The following B3GALT1 variants were observed in gnomAD, a reference collection of about 807,000 sequenced individuals.
B3GALT1 encodes the protein beta-1,3-galactosyltransferase 1.
B3GALT1 carries 10 observed loss-of-function variants against 23.2 expected under a neutral mutation model. The ratio of observed to expected loss-of-function variants is 0.43; its 90% CI spans 0.27 to 0.73. B3GALT1 has a LOEUF of 0.73. Ranked by LOEUF, B3GALT1 falls within the 30% of genes least tolerant of loss-of-function variation. The pLI, the probability that B3GALT1 is intolerant of heterozygous loss-of-function variation, is 0.21. For synonymous variants in B3GALT1, 156 were observed against 141.5 expected (o/e 1.10, Z -0.73); for missense variants, 299 against 405.4 (o/e 0.74, Z 2.25).
chr2:167,750,401 A>G (rs971863458), intron 3 of B3GALT1, among the ~76,000 whole-genome samples: 2 of 152,114 alleles, frequency 1.3e-5, no homozygotes. Context: ...ATTATTAACA[A>G]TTTATCTCAA....
intron 3 of B3GALT1, among the ~76,000 whole-genome samples, chr2:167,743,658 G>A (rs1687610781): frequency 6.6e-6 from 1 of 151,760 alleles, no homozygotes; most frequent in South Asian, 2.1e-4. Flanking sequence ...TGATATATTG[G>A]TAGTTTATGT....
chr2:167,828,147 C>G (rs1689268242), intron 4 of B3GALT1, among the ~76,000 whole-genome samples: 1 of 152,144 alleles, frequency 6.6e-6, no homozygotes, highest in Admixed American at 6.5e-5. Flanking sequence ...ATTCCTGGGC[C>G]TAAAAGAAGT....
At chr2:167,756,327 G>A (rs537550263) in intron 3 of B3GALT1, among the ~76,000 whole-genome samples, 1 of 152,300 alleles carries the variant, frequency 6.6e-6, no homozygotes, top group East Asian at 1.9e-4. Flanking sequence ...GGGTTGGGTA[G>A]AGCCAAAGGG....
At chr2:167,746,559 A>G (rs1687655333) in intron 3 of B3GALT1, among the ~76,000 whole-genome samples, 1 of 152,250 alleles carries the variant, frequency 6.6e-6, no homozygotes, top group Non-Finnish European at 1.5e-5. Context: ...TGTTGAACAA[A>G]TTTATTTTAT....
chr2:167,673,693 T>C (rs1686373942), intron 3 of B3GALT1, among the ~76,000 whole-genome samples: 1 of 152,084 alleles, frequency 6.6e-6, no homozygotes, highest in South Asian at 2.1e-4. Flanking sequence ...CTTTTCAAGA[T>C]AGTATTAATA....
At position 167,687,390 on chromosome 2, in the gene B3GALT1, G is replaced by A. The variant is rs373367773; in HGVS notation, c.-352+40424G>A. Among the ~76,000 whole-genome samples the A allele has an allele frequency of 3.3e-5, 5 of 152,254 alleles. No individual in the cohort carries two copies. The South Asian group carries it at 8.3e-4, about 25-fold the overall frequency. On this transcript the variant is annotated intron_variant, in intron 3 of 4. Transcript: ENST00000392690. ...TAAGCTAAAGGGTTTGGTAGTCATG[G>A]CAACATGATGTGAAAATATACCATG...
chr2:167,665,168 A>G (rs1273208008), intron 3 of B3GALT1, among the ~76,000 whole-genome samples: 1 of 150,926 alleles, frequency 6.6e-6, no homozygotes, highest in East Asian at 1.9e-4. Flanking sequence ...AGTTTTTAGC[A>G]TGAAGCGTTG....
intron 3 of B3GALT1, among the ~76,000 whole-genome samples, chr2:167,651,072 T>C (rs1685855881): frequency 6.6e-6 from 1 of 152,064 alleles, no homozygotes; most frequent in African/African-American, 2.4e-5. Flanking sequence ...AAAGATAAAT[T>C]GTCCTGAGAT....
chr2:167,719,349 A>G (rs1435933318), intron 3 of B3GALT1, among the ~76,000 whole-genome samples: 3 of 152,360 alleles, frequency 2.0e-5, no homozygotes, highest in Non-Finnish European at 4.4e-5. Context: ...CTTGACGTAC[A>G]GGCAGATTCC....
At chr2:167,761,922 G>C (rs942102959) in intron 3 of B3GALT1, among the ~76,000 whole-genome samples, 1 of 152,014 alleles carries the variant, frequency 6.6e-6, no homozygotes, top group African/African-American at 2.4e-5. Context: ...CCTCTTTTTC[G>C]TTGTTGACTT....
intron 3 of B3GALT1, among the ~76,000 whole-genome samples, chr2:167,806,956 TG>T (rs1274690660): frequency 3.9e-5 from 6 of 152,330 alleles, no homozygotes; most frequent in African/African-American, 1.4e-4. Flanking sequence ...GGACTTTTTT[TG>T]GTTAGTAAGC....
At chr2:167,425,828 A>G (rs541184158) in intron 1 of B3GALT1, among the ~76,000 whole-genome samples, 1 of 152,348 alleles carries the variant, frequency 6.6e-6, no homozygotes, top group East Asian at 1.9e-4. Flanking sequence ...CATGTGCGAA[A>G]CCAGAAGCAC....
chr2:167,860,943 G>A (rs1690088053), intron 4 of B3GALT1, among the ~76,000 whole-genome samples: 1 of 150,344 alleles, frequency 6.7e-6, no homozygotes, highest in African/African-American at 2.5e-5. Context: ...TTCTTTGAAT[G>A]CTAATTACAA....
chr2:167,499,803 C>T (rs1018728093), intron 2 of B3GALT1, among the ~76,000 whole-genome samples: 1 of 152,090 alleles, frequency 6.6e-6, no homozygotes, highest in Non-Finnish European at 1.5e-5. Context: ...ACAGTTCTTC[C>T]TTTCCCCAGT....
At chr2:167,367,312 T>G (rs556789887) in intron 1 of B3GALT1, among the ~76,000 whole-genome samples, 1 of 152,324 alleles carries the variant, frequency 6.6e-6, no homozygotes, top group East Asian at 1.9e-4. Flanking sequence ...CCTTAAGCAA[T>G]GAAAGCAAAA....
chr2:167,598,254 T>TTG (rs1238199925), intron 2 of B3GALT1, among the ~76,000 whole-genome samples: 25 of 152,006 alleles, frequency 1.6e-4, no homozygotes, highest in South Asian at 1.0e-3. Flanking sequence ...TCAATTCTGA[T>TTG]TGTGTGTGTG....
chr2:167,455,821 C>T (rs1049196963), intron 1 of B3GALT1, among the ~76,000 whole-genome samples: 32 of 152,216 alleles, frequency 2.1e-4, no homozygotes, highest in African/African-American at 7.0e-4. Flanking sequence ...CTGGATCTCT[C>T]CATTATTTTT....
At chr2:167,848,395 A>G (rs980021953) in intron 4 of B3GALT1, among the ~76,000 whole-genome samples, 6 of 152,254 alleles carry the variant, frequency 3.9e-5, no homozygotes, top group Admixed American at 1.3e-4. Context: ...ATAATCCGCC[A>G]TGATCAAGTG....
chr2:167,305,793 A>G (rs752268340), intron 1 of B3GALT1, among the ~76,000 whole-genome samples: 3 of 152,158 alleles, frequency 2.0e-5, no homozygotes, highest in African/African-American at 7.2e-5. Context: ...AGCCATGAGA[A>G]TAAAGAATTT....
Sources: allele counts gnomAD v4.1 joint callset (sites outside exome capture counted in the v4.1 genomes callset), GRCh38; gene constraint gnomAD v4.1.1; transcripts MANE v1.5; gene names NCBI Gene and HGNC (gene_info 2026-07-23, HGNC 2026-07-21).